NUBPL: variants seen among roughly 807,000 people sequenced by gnomAD.
NUBPL encodes the protein NUBP iron-sulfur cluster assembly factor, mitochondrial, also known as iron-sulfur cluster transfer protein NUBPL.
In NUBPL, 31 loss-of-function variants were observed where a neutral mutation model predicts 45.7. That is an observed-to-expected ratio of 0.68 (90% confidence interval 0.51 to 0.92). NUBPL has a LOEUF of 0.92. NUBPL is among the 40% of genes least tolerant of loss of function. The pLI is 0.00. For synonymous variants in NUBPL, 144 were observed against 140.9 expected (o/e 1.02, Z -0.15); for missense variants, 401 against 398.7 (o/e 1.01, Z -0.05).
intron 4 of NUBPL, among the ~76,000 whole-genome samples, chr14:31,650,894 G>A (rs2035985243): frequency 6.6e-6 from 1 of 152,088 alleles, no homozygotes; most frequent in Non-Finnish European, 1.5e-5. Context: ...ACGTGAGGGT[G>A]GAATCAAGGA....
chr14:31,788,205 GCAGTAGTAGCAGCAAGGGTT>G (rs888055572), intron 7 of NUBPL, among the ~76,000 whole-genome samples: 9 of 152,160 alleles, frequency 5.9e-5, no homozygotes, highest in African/African-American at 1.4e-4. Context: ...TGGAAAAACA[GCAGTAGTAGCAGCAAGGGTT>G]CAGTAGTAGC....
chr14:31,610,070 A>G (rs948187959), intron 4 of NUBPL, among the ~76,000 whole-genome samples: 1 of 152,172 alleles, frequency 6.6e-6, no homozygotes, highest in Non-Finnish European at 1.5e-5. Flanking sequence ...AATAAAGATC[A>G]GAGAAGAAGT....
chr14:31,847,456 T>C (rs928011781), intron 9 of NUBPL, among the ~76,000 whole-genome samples: 1 of 152,242 alleles, frequency 6.6e-6, no homozygotes, highest in African/African-American at 2.4e-5. Context: ...GGCACTGAAC[T>C]GAAGAGTTCA....
At chr14:31,630,159 A>C (rs777138402) in intron 4 of NUBPL, among the ~76,000 whole-genome samples, 5 of 152,092 alleles carry the variant, frequency 3.3e-5, no homozygotes, top group Non-Finnish European at 5.9e-5. Context: ...GGAGAGCAAA[A>C]GACTTGTGAA....
In NUBPL at chr14:31,847,802, T is replaced by C. The variant is rs553962732; in HGVS notation, c.814+1211T>C. Among the ~76,000 whole-genome samples, 53 of 152,338 alleles carry C rather than the reference T, an allele frequency of 3.5e-4. 1 individual carries two copies. In the South Asian group the frequency reaches 0.011, roughly 31 times the overall value. ...ATTTGCACTATAGCAGCCACTACAA[T>C]ACCAGGTGAATACTAATGATATATT... On this transcript the variant is annotated intron_variant, in intron 9 of 10. Coordinates refer to ENST00000281081, the MANE Select transcript of NUBPL (RefSeq NM_025152.3).
intron 7 of NUBPL, among the ~76,000 whole-genome samples, chr14:31,801,927 A>G (rs1179738761): frequency 6.6e-6 from 1 of 152,208 alleles, no homozygotes; most frequent in Non-Finnish European, 1.5e-5. Context: ...GTAGTCAGCT[A>G]GTTAATATGT....
chr14:31,701,043 T>C (rs898820113), intron 6 of NUBPL, among the ~76,000 whole-genome samples: 1 of 152,218 alleles, frequency 6.6e-6, no homozygotes, highest in African/African-American at 2.4e-5. Flanking sequence ...AGAACTTTTA[T>C]GTCTAGCTGG....
At chr14:31,669,624 C>T (rs947067492) in intron 4 of NUBPL, among the ~76,000 whole-genome samples, 8 of 151,942 alleles carry the variant, frequency 5.3e-5, no homozygotes, top group African/African-American at 1.4e-4. Context: ...CCGATTTTCC[C>T]GTCAAGTAGA....
chr14:31,760,551 A>G (rs1566547303), intron 6 of NUBPL, among the ~76,000 whole-genome samples: 1 of 152,144 alleles, frequency 6.6e-6, no homozygotes, highest in African/African-American at 2.4e-5. Flanking sequence ...GATTCCATAT[A>G]TAAGTGAGAT....
intron 4 of NUBPL, among the ~76,000 whole-genome samples, chr14:31,651,005 T>C (rs921275915): frequency 6.6e-6 from 1 of 152,254 alleles, no homozygotes; most frequent in Non-Finnish European, 1.5e-5. Flanking sequence ...AAGCCATTCA[T>C]GAGGGATCTG....
In NUBPL at chr14:31,859,311, C is replaced by A; in HGVS notation, c.*131C>A. ...TTTATTTCTAAGGAAAGAATGTCTTCATATTTGACTTGCTAAGCTAAGGTT... is the reference window on the plus strand; with the variant it reads ...TTTATTTCTAAGGAAAGAATGTCTTAATATTTGACTTGCTAAGCTAAGGTT... On this transcript the variant is annotated 3_prime_UTR_variant, in exon 11 of 11. Coordinates refer to ENST00000281081, the MANE Select transcript of NUBPL (RefSeq NM_025152.3). 2 of 799,702 alleles carry A rather than the reference C, an allele frequency of 2.5e-6. No homozygotes were observed. Among genetic ancestry groups the A allele is most frequent in the Non-Finnish European group, 4.3e-6 (2 of 466,302 alleles). The allele number at this position is 799,702 out of a possible 1,614,324, so 49.5% of individuals were successfully genotyped here.
At chr14:31,635,029 T>A (rs903209864) in intron 4 of NUBPL, among the ~76,000 whole-genome samples, 3 of 149,920 alleles carry the variant, frequency 2.0e-5, no homozygotes, top group South Asian at 2.1e-4. Flanking sequence ...TTTTCTCCCA[T>A]TTTGTAGGTT....
At chr14:31,599,211 C>A in intron 3 of NUBPL, 78 bp from the exon 4 acceptor site, 1 of 1,089,968 alleles carries the variant, frequency 9.2e-7, no homozygotes, top group Non-Finnish European at 1.4e-6. Flanking sequence ...CTATATGCTT[C>A]ACCTTTGAGA....
At position 31,639,463 on chromosome 14, in the gene NUBPL, C is replaced by T. The variant is rs544141871; in HGVS notation, c.383-33892C>T. On this transcript the variant is annotated intron_variant, in intron 4 of 10. Transcript: ENST00000281081. The stretch of plus-strand genomic sequence containing the variant: ...GGAAGTTTTGTGTCAGAGGAGTACC[C>T]GGCTGTGTGAGGTGTCAGTCTGCCC... 5.3e-5 allele frequency among the ~76,000 whole-genome samples: 8 copies of T among 152,226 alleles called. No individual in the cohort carries two copies. The South Asian group carries it at 6.2e-4, about 12-fold the overall frequency.
chr14:31,822,822 A>G (rs2138954221), intron 7 of NUBPL, among the ~76,000 whole-genome samples: 1 of 152,256 alleles, frequency 6.6e-6, no homozygotes. Context: ...TGTTGTTATT[A>G]ATTTGTTCGA....
chr14:31,617,119 G>T (rs533083498), intron 4 of NUBPL, among the ~76,000 whole-genome samples: 1 of 152,002 alleles, frequency 6.6e-6, no homozygotes, highest in African/African-American at 2.4e-5. Flanking sequence ...TTGCACATTG[G>T]TTTTGTATCC....
At chr14:31,760,941 C>T (rs963494931) in intron 6 of NUBPL, among the ~76,000 whole-genome samples, 1 of 151,892 alleles carries the variant, frequency 6.6e-6, no homozygotes, top group Non-Finnish European at 1.5e-5. Context: ...AAGTCGTCCT[C>T]CCACCGCAGC....
chr14:31,579,864 G>T, intron 3 of NUBPL, among the ~76,000 whole-genome samples: 1 of 152,142 alleles, frequency 6.6e-6, no homozygotes, highest in East Asian at 1.9e-4. Flanking sequence ...ATAGAAGAAT[G>T]TTTCTTAATT....
intron 8 of NUBPL, chr14:31,844,445 T>C (rs150149181): frequency 1.3e-5 from 2 of 152,354 alleles, no homozygotes; most frequent in Admixed American, 1.3e-4. Flanking sequence ...TATGTTTCTC[T>C]CTAGCTTTCT....
Sources: allele counts gnomAD v4.1 joint callset (sites outside exome capture counted in the v4.1 genomes callset), GRCh38; gene constraint gnomAD v4.1.1; transcripts MANE v1.5; gene names NCBI Gene and HGNC (gene_info 2026-07-23, HGNC 2026-07-21).